Variants in ITGAV observed in about 807,000 individuals in gnomAD.
ITGAV encodes integrin subunit alpha V.
ITGAV carries 76 observed loss-of-function variants against 143.8 expected under a neutral mutation model. The ratio of observed to expected loss-of-function variants is 0.53; its 90% confidence interval spans 0.44 to 0.64. The LOEUF (loss-of-function observed/expected upper bound fraction) is 0.64, where lower values mean the gene tolerates loss of function less well. Ranked by LOEUF, ITGAV falls within the 30% of genes least tolerant of loss-of-function variation. The pLI is 0.00. For missense variants in ITGAV, 1,193 were observed against 1,274.7 expected (o/e 0.94, Z 0.98); for synonymous variants, 453 against 446.7 (o/e 1.01, Z -0.18).
chr2:186,655,023 T>A (rs1303717983), intron 16 of ITGAV, among the ~76,000 whole-genome samples: 1 of 152,196 alleles, frequency 6.6e-6, no homozygotes, highest in Non-Finnish European at 1.5e-5. Flanking sequence ...TTATGGTTTA[T>A]AAGTAGATGA....
chr2:186,658,915 GA>G (rs775610741), intron 17 of ITGAV, 122 bp from the exon 18 acceptor site: 9 of 575,522 alleles, frequency 1.6e-5, no homozygotes, highest in Non-Finnish European at 2.3e-5. Context: ...TAATTTTCCA[GA>G]GAATGTTGTT....
chr2:186,654,688 G>T lies in ITGAV; in HGVS notation c.1544G>T (p.Gly515Val). 1 of 1,552,042 alleles carries T rather than the reference G, an allele frequency of 6.4e-7. No individual in the cohort carries two copies. The highest frequency in any genetic ancestry group is 2.3e-5 in the East Asian group (1 of 44,346). ...TTCTGCTTAAAGGCAGATGGCAAAGGAGTACTTCCCAGGAAACTTAGTAAG... is the reference window on the plus strand; with the variant it reads ...TTCTGCTTAAAGGCAGATGGCAAAGTAGTACTTCCCAGGAAACTTAGTAAG... ...VRFCLKADGK[G>V]VLPRKLNFQV... Residue 515 changes from glycine to valine, a missense_variant, in exon 16 of 30, where the codon GGA becomes GTA. Physicochemically the swap from Gly to Val is moderately radical, Grantham distance 109. Transcript: ENST00000261023.
chr2:186,610,107 T>C (rs1687174619), intron 2 of ITGAV, among the ~76,000 whole-genome samples: 1 of 152,152 alleles, frequency 6.6e-6, no homozygotes, highest in African/African-American at 2.4e-5. Flanking sequence ...CCTAGTCACT[T>C]TTTTGGTAAA....
intron 1 of ITGAV, among the ~76,000 whole-genome samples, chr2:186,593,691 G>A (rs1686673804): frequency 6.6e-6 from 1 of 152,030 alleles, no homozygotes; most frequent in South Asian, 2.1e-4. Flanking sequence ...CACACCACCG[G>A]GGGGAAGTAA....
chr2:186,669,114 T>C (rs78257026), intron 25 of ITGAV, among the ~76,000 whole-genome samples, 194 bp downstream of exon 25: 1 of 152,344 alleles, frequency 6.6e-6, no homozygotes, highest in African/African-American at 2.4e-5. Context: ...CTGTGATGTC[T>C]AGTGAACCAC....
At chr2:186,657,306 A>T (rs1353774602) in intron 17 of ITGAV, among the ~76,000 whole-genome samples, 1 of 152,228 alleles carries the variant, frequency 6.6e-6, no homozygotes, top group Non-Finnish European at 1.5e-5. Flanking sequence ...TAACAGACTT[A>T]TATAGAACCT....
intron 11 of ITGAV, 42 bp from the exon 12 acceptor site, chr2:186,641,344 G>A: frequency 6.6e-7 from 1 of 1,523,876 alleles, no homozygotes; most frequent in Non-Finnish European, 9.1e-7. Context: ...ACTAAGACAT[G>A]AAATTTGTTC....
At chr2:186,664,839 T>C (rs183441264) in intron 20 of ITGAV, among the ~76,000 whole-genome samples, 198 bp downstream of exon 20, 2 of 152,324 alleles carry the variant, frequency 1.3e-5, no homozygotes, top group East Asian at 1.9e-4. Context: ...ATTTTTAGAA[T>C]TGCAAGCTAA....
intron 2 of ITGAV, among the ~76,000 whole-genome samples, chr2:186,607,638 C>G (rs1398440577): frequency 1.3e-5 from 2 of 152,068 alleles, no homozygotes; most frequent in Non-Finnish European, 2.9e-5. Context: ...ATGCTTGTTA[C>G]TATAGCATAA....
chr2:186,595,794 T>A, intron 1 of ITGAV, among the ~76,000 whole-genome samples: 1 of 152,024 alleles, frequency 6.6e-6, no homozygotes, highest in Non-Finnish European at 1.5e-5. Context: ...GGAAATTAAG[T>A]CACTCAGCTT....
At chr2:186,607,087 T>G (rs1257588370) in intron 2 of ITGAV, among the ~76,000 whole-genome samples, 2 of 152,140 alleles carry the variant, frequency 1.3e-5, no homozygotes, top group African/African-American at 4.8e-5. Flanking sequence ...CCTCTGTCAT[T>G]TTTTCTAACA....
rs139119479 is a variant in ITGAV at position 186,636,200 on chromosome 2, C to T, written c.750C>T (p.Ser250=). The T allele has an allele frequency of 1.8e-4, 295 of 1,610,106 alleles. No individual in the cohort carries two copies. The highest frequency in any genetic ancestry group is 2.5e-4 in the Non-Finnish European group (291 of 1,178,604). The change falls in exon 7 of 30, where the codon AGC becomes AGT. Residue 250 remains serine (S), a synonymous_variant. Coordinates refer to ENST00000261023, the MANE Select transcript of ITGAV (RefSeq NM_002210.5). ...TRTAQAIFDD[S]YLGYSVAVGD... is the part of the protein sequence containing the mutation. Reference sequence around the variant, plus strand: ...CTGCACAAGCTATTTTTGATGACAGCTATTTGGGTAGGTAAAACCAAAATT... The same window carrying T: ...CTGCACAAGCTATTTTTGATGACAGTTATTTGGGTAGGTAAAACCAAAATT...
At chr2:186,615,469 T>C (rs1260895470) in intron 2 of ITGAV, among the ~76,000 whole-genome samples, 2 of 152,262 alleles carry the variant, frequency 1.3e-5, no homozygotes, top group Admixed American at 1.3e-4. Context: ...GACACTCATA[T>C]TCTGTCTTTT....
chr2:186,656,181 C>G (rs1454805447), intron 16 of ITGAV, 66 bp from the exon 17 acceptor site: 2 of 1,227,106 alleles, frequency 1.6e-6, no homozygotes, highest in African/African-American at 3.2e-5. Flanking sequence ...TACATGAAAA[C>G]TCTAGAGTAG....
intron 2 of ITGAV, among the ~76,000 whole-genome samples, chr2:186,620,974 G>T (rs73979331): frequency 0.024 from 3,596 of 152,224 alleles, 152 homozygotes; most frequent in African/African-American, 0.082. Context: ...ATGTATTCAT[G>T]AAACAAGTCT....
At position 186,654,718 on chromosome 2, in the gene ITGAV, C is replaced by T. The variant is rs1559061586; in HGVS notation, c.1564+10C>T. On this transcript the variant is annotated intron_variant, in intron 16 of 29. Coordinates refer to ENST00000261023, the MANE Select transcript of ITGAV (RefSeq NM_002210.5). ...CTTCCCAGGAAACTTAGTAAGTGTT[C>T]TATGAAAAATCATATTATTTTAATG... 1 of 1,360,484 alleles carries T rather than the reference C, an allele frequency of 7.4e-7. No homozygotes were observed. The highest frequency in any genetic ancestry group is 1.0e-6 in the Non-Finnish European group (1 of 957,242). 84.3% of individuals were successfully genotyped at this position (1,360,484 alleles called of 1,614,324 possible).
intron 2 of ITGAV, among the ~76,000 whole-genome samples, chr2:186,611,175 C>G (rs1049009328): frequency 6.6e-6 from 1 of 152,102 alleles, no homozygotes. Context: ...CCTACTGCCC[C>G]CCGACCCTTG....
chr2:186,667,502 C>T (rs1334600058), intron 23 of ITGAV, 169 bp from the exon 24 acceptor site: 2 of 521,120 alleles, frequency 3.8e-6, no homozygotes, highest in Admixed American at 3.2e-5. Flanking sequence ...GTGTACATTT[C>T]ATAAGAGCAG....
At chr2:186,666,580 T>A (rs1688903524) in intron 21 of ITGAV, 124 bp from the exon 22 acceptor site, 3 of 471,082 alleles carry the variant, frequency 6.4e-6, no homozygotes, top group Non-Finnish European at 1.1e-5. Context: ...GTTATCTTTG[T>A]TCAGTTTTAT....
Sources: gnomAD v4.1 joint callset for allele counts (sites outside exome capture counted in the v4.1 genomes callset) on GRCh38, gnomAD v4.1.1 for gene constraint, MANE v1.5 for transcripts, NCBI Gene and HGNC (gene_info 2026-07-23, HGNC 2026-07-21) for gene names.